CP: variants seen among roughly 807,000 people sequenced by gnomAD.
The protein encoded by CP is ceruloplasmin.
In CP, 64 loss-of-function variants were observed where a neutral mutation model predicts 122.4. The ratio of observed to expected loss-of-function variants is 0.52; its 90% confidence interval spans 0.43 to 0.64. The LOEUF is 0.64. Ranked by LOEUF, CP falls within the 30% of genes least tolerant of loss-of-function variation. The pLI is 0.00. For synonymous variants in CP, 440 were observed against 436.4 expected (o/e 1.01, Z -0.10); for missense variants, 1,167 against 1,284.4 (o/e 0.91, Z 1.40).
chr3:149,165,858 T>C (rs904831585), intron 5 of CP: 3 of 375,622 alleles, frequency 8.0e-6, no homozygotes, highest in African/African-American at 6.3e-5. Flanking sequence ...TGAGAGATTA[T>C]CAACCTTATT....
At chr3:149,212,140 A>C (rs531513728) in intron 2 of CP, among the ~76,000 whole-genome samples, 6 of 151,790 alleles carry the variant, frequency 4.0e-5, no homozygotes, top group Non-Finnish European at 5.9e-5. Context: ...AAAAATGCAA[A>C]AAAAAAATAA....
intron 1 of CP, among the ~76,000 whole-genome samples, chr3:149,213,291 TTAAA>T (rs1343596405): frequency 6.6e-6 from 1 of 152,232 alleles, no homozygotes; most frequent in Non-Finnish European, 1.5e-5. Context: ...ACTTTTGAAT[TTAAA>T]TAATCCCTGT....
At chr3:149,214,241 A>G (rs1728304429) in intron 1 of CP, among the ~76,000 whole-genome samples, 1 of 152,290 alleles carries the variant, frequency 6.6e-6, no homozygotes. Flanking sequence ...GGTGGAGGCT[A>G]TATAGATTAA....
chr3:149,208,415 A>C (rs1429290258), intron 4 of CP, among the ~76,000 whole-genome samples: 1 of 152,222 alleles, frequency 6.6e-6, no homozygotes, highest in Admixed American at 6.5e-5. Flanking sequence ...ACAGGATTAA[A>C]GTATGGAAAG....
intron 9 of CP, among the ~76,000 whole-genome samples, chr3:149,193,115 C>T (rs1472754602): frequency 6.6e-6 from 1 of 152,060 alleles, no homozygotes; most frequent in Non-Finnish European, 1.5e-5. Flanking sequence ...AAATTCTAGT[C>T]GCTAGTTACA....
chr3:149,216,569 T>G (rs991898486), intron 1 of CP, among the ~76,000 whole-genome samples: 20 of 152,218 alleles, frequency 1.3e-4, no homozygotes, highest in Non-Finnish European at 2.6e-4. Context: ...GGATTTCTTC[T>G]GGGAGCCACT....
At chr3:149,178,365 G>A (rs1185538006) in intron 16 of CP, 50 bp downstream of exon 16, 1 of 1,357,030 alleles carries the variant, frequency 7.4e-7, no homozygotes, top group Non-Finnish European at 1.0e-6. Flanking sequence ...TTATTTGAAA[G>A]AGAAAATGAT....
intron 9 of CP, among the ~76,000 whole-genome samples, chr3:149,197,248 G>A (rs1389112525): frequency 6.6e-6 from 1 of 152,120 alleles, no homozygotes; most frequent in Non-Finnish European, 1.5e-5. Context: ...CTCTTCACAT[G>A]GACGCGCATG....
intron 5 of CP, among the ~76,000 whole-genome samples, chr3:149,165,211 C>G (rs1294243329): frequency 6.6e-6 from 1 of 152,094 alleles, no homozygotes; most frequent in Non-Finnish European, 1.5e-5. Flanking sequence ...GAGCATTGGA[C>G]AAGACAGATG....
chr3:149,185,769 C>T (rs576539231), intron 11 of CP, among the ~76,000 whole-genome samples: 26 of 152,344 alleles, frequency 1.7e-4, no homozygotes, highest in Non-Finnish European at 3.4e-4. Flanking sequence ...CAGTCACCAT[C>T]CCCTTCCTCT....
In CP at chr3:149,205,867, T is replaced by A. The variant is rs536572815; in HGVS notation, c.1208+301A>T. 9.2e-5 allele frequency among the ~76,000 whole-genome samples: 14 copies of A among 152,316 alleles called. No individual in the cohort carries two copies. The South Asian group carries it at 1.7e-3, about 18-fold the overall frequency. On this transcript the variant is annotated intron_variant, in intron 6 of 18. Transcript: ENST00000264613. ...TGTAACTGTACTTAATGCTGCTGAA[T>A]CGTACAGTGCCACGTTTTCTGAAAT...
chr3:149,192,365 C>T (rs1726594481), intron 9 of CP, among the ~76,000 whole-genome samples: 1 of 151,762 alleles, frequency 6.6e-6, no homozygotes, highest in Admixed American at 6.6e-5. Flanking sequence ...AAACTTAGAG[C>T]CTTAGAGCCC....
At chr3:149,187,811 G>C (rs1726273759) in intron 10 of CP, 5 of 477,724 alleles carry the variant, frequency 1.0e-5, no homozygotes, top group Non-Finnish European at 1.9e-5. Context: ...TGCTGAGGCT[G>C]CTGATATAGG....
At chr3:149,181,979 A>ACTCC in intron 14 of CP, 26 bp downstream of exon 14, 3 of 515,794 alleles carry the variant, frequency 5.8e-6, no homozygotes, top group South Asian at 1.5e-5. Context: ...AAAATGCACC[A>ACTCC]CCCCCACCCC....
chr3:149,189,855 A>C (rs191452536), intron 9 of CP, among the ~76,000 whole-genome samples: 1 of 152,150 alleles, frequency 6.6e-6, no homozygotes, highest in African/African-American at 2.4e-5. Context: ...CAAGGACAAA[A>C]AGTAAAAAAA....
rs1432840072 is a variant in CP at position 149,173,574 on chromosome 3, A to C, written c.*140T>G. Reference sequence around the variant, plus strand: ...AAAAAATTAATAGTTTTCCCCCACAAATGTACAAAGTTGTATGCTTCCAGT... The same window carrying C: ...AAAAAATTAATAGTTTTCCCCCACACATGTACAAAGTTGTATGCTTCCAGT... On this transcript the variant is annotated 3_prime_UTR_variant, in exon 19 of 19. Transcript: ENST00000264613. The C allele has an allele frequency of 8.4e-6, 5 of 598,380 alleles. No homozygotes were observed. In the East Asian group the frequency reaches 1.6e-4, roughly 19 times the overall value. 37.1% of individuals were successfully genotyped at this position (598,380 alleles called of 1,614,324 possible). A position where few individuals can be genotyped will look rare whatever the true frequency, so the allele number is the denominator to read the frequency against.
At chr3:149,205,450 ATAGCAACATTAG>A (rs35048131) in intron 6 of CP, among the ~76,000 whole-genome samples, 77 of 151,800 alleles carry the variant, frequency 5.1e-4, no homozygotes, top group South Asian at 1.2e-3. Flanking sequence ...ACAATTGTTC[ATAGCAACATTAG>A]TCACAATAGC....
Position 149,221,824 on chromosome 3 carries a change from T to C in CP, c.-32A>G, listed in dbSNP as rs756646432. On this transcript the variant is annotated 5_prime_UTR_variant, in exon 1 of 19. Coordinates refer to ENST00000264613, the MANE Select transcript of CP (RefSeq NM_000096.4). ...CCCCTTCTTGGAGCCTGAGAAGAAA[T>C]GAAGTAAAATCAGGAGCAGGCAATT... is the stretch of plus-strand genomic sequence containing the variant. The C allele has an allele frequency of 8.7e-6, 14 of 1,611,516 alleles. No homozygotes were observed. Among genetic ancestry groups the C allele is most frequent in the Non-Finnish European group, 1.2e-5 (14 of 1,178,220 alleles).
chr3:149,203,640 A>G (rs1208787547), intron 6 of CP, among the ~76,000 whole-genome samples: 1 of 152,236 alleles, frequency 6.6e-6, no homozygotes. Context: ...TTTGCAAACG[A>G]AGAAATTAAA....
Sources: gnomAD v4.1 joint callset for allele counts (sites outside exome capture counted in the v4.1 genomes callset) on GRCh38, gnomAD v4.1.1 for gene constraint, MANE v1.5 for transcripts, NCBI Gene and HGNC (gene_info 2026-07-23, HGNC 2026-07-21) for gene names.